The following EDEM3 variants were observed in gnomAD, a reference collection of about 807,000 sequenced individuals.
The protein encoded by EDEM3 is ER degradation-enhancing alpha-mannosidase-like protein 3.
Under a neutral mutation model 110.2 loss-of-function variants are expected in EDEM3, and 60 were observed. The observed-to-expected ratio is 0.54, with a 90% CI of 0.44 to 0.67. The LOEUF is 0.67. Ranked by LOEUF, EDEM3 falls within the 30% of genes least tolerant of loss-of-function variation. The probability of loss-of-function intolerance (pLI) is 0.00; values close to 1 mark genes in which losing one functional copy is unlikely to be tolerated. For missense variants in EDEM3, 996 were observed against 1,121.0 expected, an observed-to-expected ratio of 0.89 and a Z score of 1.59; for synonymous variants, 352 against 382.9, an observed-to-expected ratio of 0.92 and a Z score of 0.94.
chr1:184,699,855 C>G (rs531835126), intron 19 of EDEM3, among the ~76,000 whole-genome samples: 3 of 151,830 alleles, frequency 2.0e-5, no homozygotes, highest in Admixed American at 2.0e-4. Context: ...CTTAAAAATG[C>G]TGATGTTTTT....
intron 19 of EDEM3, among the ~76,000 whole-genome samples, chr1:184,700,231 C>A (rs1336294471): frequency 2.0e-5 from 3 of 151,816 alleles, no homozygotes; most frequent in Admixed American, 6.6e-5. Flanking sequence ...ATGGACTTAT[C>A]AGAAGAAGAA....
At position 184,726,264 on chromosome 1, in the gene EDEM3, T is replaced by C. The variant is rs748306712; in HGVS notation, c.738A>G (p.Thr246=). The part of the protein sequence containing the change: ...FAALSRFTGA[T]IFEEYARKAL... ...ACCGTAAAAAGCAAACCTCAAATAT[T>C]GTTGCTCCTGTGAATCGACTTAAAG... Residue 246 remains threonine (T), a synonymous_variant, in exon 7 of 20, where the codon ACA becomes ACG. Transcript: ENST00000318130. 9.3e-6 allele frequency: 15 copies of C among 1,613,384 alleles called. No homozygotes were observed. Among genetic ancestry groups the C allele is most frequent in the Admixed American group, 1.7e-5 (1 of 60,004 alleles).
At chr1:184,726,867 T>C (rs1651222003) in intron 6 of EDEM3, among the ~76,000 whole-genome samples, 1 of 152,232 alleles carries the variant, frequency 6.6e-6, no homozygotes, top group South Asian at 2.1e-4. Context: ...TGTTATGGTA[T>C]ACATTTGAAA....
chr1:184,719,155 T>C lies in EDEM3; in HGVS notation c.1161+7A>G. The C allele has an allele frequency of 3.9e-6, 6 of 1,527,696 alleles. No individual in the cohort carries two copies. The highest frequency in any genetic ancestry group is 5.3e-6 in the Non-Finnish European group (6 of 1,133,484). The allele number at this position is 1,527,696 out of a possible 1,614,324, so 94.6% of individuals were successfully genotyped here. ...GTGTAAGATTATTCCAAAAATTATT[T>C]GCTTACCTCTGGTAGAAAATTGTGT... On this transcript the variant is annotated splice_region_variant and intron_variant, in intron 11 of 19. Coordinates refer to ENST00000318130, the MANE Select transcript of EDEM3 (RefSeq NM_025191.4).
chr1:184,719,064 T>C (rs1362916527), intron 11 of EDEM3, 98 bp downstream of exon 11: 4 of 607,736 alleles, frequency 6.6e-6, no homozygotes, highest in Non-Finnish European at 1.1e-5. Context: ...AGATGACATT[T>C]TCTACCTTTA....
chr1:184,726,531 C>A, intron 6 of EDEM3, 142 bp from the exon 7 acceptor site: 1 of 910,710 alleles, frequency 1.1e-6, no homozygotes, highest in Non-Finnish European at 1.6e-6. Context: ...ATCTGATGAT[C>A]TCTGACTTTC....
intron 15 of EDEM3, 80 bp from the exon 16 acceptor site, chr1:184,710,627 G>A (rs762143277): frequency 6.7e-7 from 1 of 1,481,900 alleles, no homozygotes; most frequent in Non-Finnish European, 9.0e-7. Flanking sequence ...TAAAAATAAT[G>A]TTACTTGCAA....
intron 8 of EDEM3, among the ~76,000 whole-genome samples, chr1:184,722,898 C>G (rs1325847528): frequency 6.6e-6 from 1 of 151,860 alleles, no homozygotes; most frequent in Non-Finnish European, 1.5e-5. Flanking sequence ...GTTCTTTGTA[C>G]AATTCAATAT....
chr1:184,706,566 T>C (rs1386285632), intron 18 of EDEM3, 77 bp downstream of exon 18: 2 of 1,363,934 alleles, frequency 1.5e-6, no homozygotes, highest in African/African-American at 2.9e-5. Flanking sequence ...TTTGATAAAA[T>C]TTTAGAAAAT....
In EDEM3 at chr1:184,741,409, T is replaced by A. The variant is rs529805006; in HGVS notation, c.205-3698A>T. 4.7e-4 allele frequency among the ~76,000 whole-genome samples: 71 copies of A among 151,682 alleles called. 1 individual carries two copies. In the East Asian group the frequency reaches 0.013, roughly 28 times the overall value. ...AGTGAGACTCCGTCTCAAAAAAAAA[T>A]AAAAATAAAAAATAAAAAATAAAAT... On this transcript the variant is annotated intron_variant, in intron 2 of 19. Coordinates refer to ENST00000318130, the MANE Select transcript of EDEM3 (RefSeq NM_025191.4).
In EDEM3 at chr1:184,704,649, C is replaced by CAAAAA. The variant is rs58913815; in HGVS notation, c.2204-1658_2204-1654dup. On this transcript the variant is annotated intron_variant, in intron 18 of 19. Coordinates refer to ENST00000318130, the MANE Select transcript of EDEM3 (RefSeq NM_025191.4). ...TGGGTGACAAAGCAAGACTCTGTCT[C>CAAAAA]AAAAAAAAAAAAAAAAAAAAAAAAA... 7.3e-3 allele frequency among the ~76,000 whole-genome samples: 218 copies of CAAAAA among 29,902 alleles called. 25 individuals are homozygous for CAAAAA. The highest frequency in any genetic ancestry group is 0.018 in the African/African-American group (171 of 9,336). The allele number at this position is 29,902 out of a possible 152,430, so 19.6% of individuals were successfully genotyped here. A position where few individuals can be genotyped will look rare whatever the true frequency, so the allele number is the denominator to read the frequency against.
Position 184,719,370 on chromosome 1 carries a change from T to G in EDEM3, c.1077+73A>C. ...CTGCAACTATGTTTTGTAGTTCAGT[T>G]TTAAAGATCAAAAATGCGCCTAATT... On this transcript the variant is annotated intron_variant, in intron 10 of 19. Coordinates refer to ENST00000318130, the MANE Select transcript of EDEM3 (RefSeq NM_025191.4). The G allele has an allele frequency of 1.9e-6, 3 of 1,566,736 alleles. No individual in the cohort carries two copies. The South Asian group carries it at 3.6e-5, about 19-fold the overall frequency.
chr1:184,722,872 T>A (rs1165657399), intron 8 of EDEM3, among the ~76,000 whole-genome samples: 1 of 151,956 alleles, frequency 6.6e-6, no homozygotes, highest in Non-Finnish European at 1.5e-5. Context: ...GGGTGTTTTA[T>A]AAAGATAAAA....
At chr1:184,745,613 G>T (rs1049070836) in intron 2 of EDEM3, among the ~76,000 whole-genome samples, 2 of 152,046 alleles carry the variant, frequency 1.3e-5, no homozygotes, top group Admixed American at 6.5e-5. Context: ...TAGGGGAGAG[G>T]CACTCCAAAA....
At chr1:184,713,735 T>C (rs1424790255) in intron 13 of EDEM3, among the ~76,000 whole-genome samples, 1 of 152,174 alleles carries the variant, frequency 6.6e-6, no homozygotes, top group Non-Finnish European at 1.5e-5. Context: ...GCTTTGGAAA[T>C]AGAAAGATCT....
At chr1:184,733,092 G>A in intron 5 of EDEM3, 102 bp from the exon 6 acceptor site, 11 of 1,259,238 alleles carry the variant, frequency 8.7e-6, no homozygotes, top group Admixed American at 2.6e-5. Context: ...ACATATTTAA[G>A]GAAAGACAAA....
intron 1 of EDEM3, among the ~76,000 whole-genome samples, chr1:184,751,490 A>G (rs1209707870): frequency 6.6e-6 from 1 of 152,190 alleles, no homozygotes; most frequent in Non-Finnish European, 1.5e-5. Context: ...AGAATACACT[A>G]TTTTCCAATC....
Position 184,699,852 on chromosome 1 carries a change from A to G in EDEM3, c.2389+2959T>C, listed in dbSNP as rs141924532. ...CATGACAATGAATTGGAACTTAAAAATGCTGATGTTTTTTTCCCTGTGACA... is the reference window on the plus strand; with the variant it reads ...CATGACAATGAATTGGAACTTAAAAGTGCTGATGTTTTTTTCCCTGTGACA... On this transcript the variant is annotated intron_variant, in intron 19 of 19. Coordinates refer to ENST00000318130, the MANE Select transcript of EDEM3 (RefSeq NM_025191.4). Among the ~76,000 whole-genome samples the G allele has an allele frequency of 2.8e-3, 433 of 152,044 alleles. 5 individuals carry two copies. In the East Asian group the frequency reaches 0.035, roughly 12 times the overall value.
At chr1:184,719,273 T>C in intron 10 of EDEM3, 28 bp from the exon 11 acceptor site, 1 of 1,520,380 alleles carries the variant, frequency 6.6e-7, no homozygotes, top group Non-Finnish European at 8.8e-7. Context: ...TAAAATTACC[T>C]AATAAAATAT....
Sources: gnomAD v4.1 joint callset for allele counts (sites outside exome capture counted in the v4.1 genomes callset) on GRCh38, gnomAD v4.1.1 for gene constraint, MANE v1.5 for transcripts, NCBI Gene and HGNC (gene_info 2026-07-23, HGNC 2026-07-21) for gene names.